EML4: variants seen among roughly 807,000 people sequenced by gnomAD.
The protein encoded by EML4 is echinoderm microtubule-associated protein-like 4.
Under a neutral mutation model 129.0 loss-of-function variants are expected in EML4, and 72 were observed. The observed-to-expected ratio is 0.56, with a 90% CI of 0.46 to 0.68. EML4 has a LOEUF of 0.68. Among genes scored for constraint, EML4 ranks in the 30% least tolerant of loss-of-function variants. The pLI is 0.00. For synonymous variants in EML4, 532 were observed against 405.0 expected (o/e 1.31, Z -3.77); for missense variants, 1,363 against 1,190.6 (o/e 1.14, Z -2.13).
chr2:42,242,895 A>C (rs559503438), intron 1 of EML4, among the ~76,000 whole-genome samples: 1 of 151,662 alleles, frequency 6.6e-6, no homozygotes, highest in Admixed American at 6.6e-5. Context: ...CTCCCATTTC[A>C]CTTTTCTGAG....
chr2:42,225,440 G>T (rs937824347), intron 1 of EML4, among the ~76,000 whole-genome samples: 3 of 152,152 alleles, frequency 2.0e-5, no homozygotes, highest in East Asian at 1.9e-4. Flanking sequence ...CTTCTTTAGA[G>T]AAATGCCTAT....
At chr2:42,287,273 A>G (rs1667359681) in intron 10 of EML4, among the ~76,000 whole-genome samples, 2 of 152,186 alleles carry the variant, frequency 1.3e-5, no homozygotes, top group South Asian at 4.1e-4. Context: ...CCAACAAGTC[A>G]GGAATTGGGA....
At chr2:42,234,894 G>A (rs1460275286) in intron 1 of EML4, among the ~76,000 whole-genome samples, 1 of 152,226 alleles carries the variant, frequency 6.6e-6, no homozygotes, top group African/African-American at 2.4e-5. Flanking sequence ...TGTGGCTCAT[G>A]CCTTGTAATC....
chr2:42,247,648 A>G (rs906934617), intron 2 of EML4, among the ~76,000 whole-genome samples: 1 of 152,032 alleles, frequency 6.6e-6, no homozygotes, highest in Non-Finnish European at 1.5e-5. Context: ...GTGTTATATT[A>G]TGCTTGCTTG....
chr2:42,306,819 T>TA lies in EML4; in HGVS notation c.1967+2269dup, dbSNP rs34730722. Among the ~76,000 whole-genome samples the TA allele has an allele frequency of 2.9e-3, 447 of 152,154 alleles. 4 individuals are homozygous for TA. Among genetic ancestry groups the TA allele is most frequent in the Non-Finnish European group, 5.3e-3 (362 of 67,992 alleles). On this transcript the variant is annotated intron_variant, in intron 17 of 22. Transcript: ENST00000318522. Reference sequence around the variant, plus strand: ...TGGCCGCTAAATTCTTTTTATATGTTACTCTTCACAAGAATGTAACATAGT... The same window carrying TA: ...TGGCCGCTAAATTCTTTTTATATGTTAACTCTTCACAAGAATGTAACATAGT...
chr2:42,226,598 T>C (rs1248738245), intron 1 of EML4, among the ~76,000 whole-genome samples: 1 of 151,870 alleles, frequency 6.6e-6, no homozygotes, highest in East Asian at 1.9e-4. Context: ...CGCAGGTTGC[T>C]GTGAGGTGAG....
At position 42,316,001 on chromosome 2, in the gene EML4, T is replaced by C. The variant is rs776008096; in HGVS notation, c.2007T>C (p.Ser669=). ...ATGCAGAAACCAGAGATCTAGTTTCTATCCACACAGACGGGAATGAACAGC... is the reference window on the plus strand; with the variant it reads ...ATGCAGAAACCAGAGATCTAGTTTCCATCCACACAGACGGGAATGAACAGC... ...VLDAETRDLV[S]IHTDGNEQLS... Residue 669 remains serine, a synonymous_variant, in exon 18 of 23, where the codon TCT becomes TCC. Coordinates refer to ENST00000318522, the MANE Select transcript of EML4 (RefSeq NM_019063.5). The C allele has an allele frequency of 6.2e-7, 1 of 1,613,876 alleles. No homozygotes were observed. Among genetic ancestry groups the C allele is most frequent in the South Asian group, 1.1e-5 (1 of 91,044 alleles).
chr2:42,245,090 C>CTTTTTTTTTTTTTTTTTTTTTTTTTTT (rs960416568), intron 1 of EML4, among the ~76,000 whole-genome samples: 1 of 14,514 alleles, frequency 6.9e-5, no homozygotes, highest in East Asian at 2.1e-3. Context: ...TTGAAATTTT[C>CTTTTTTTTTTTTTTTTTTTTTTTTTTT]TTTCTTTTTT....
chr2:42,227,201 C>T (rs943015390), intron 1 of EML4, among the ~76,000 whole-genome samples: 12 of 152,252 alleles, frequency 7.9e-5, no homozygotes, highest in African/African-American at 2.9e-4. Context: ...CCTTGACCTC[C>T]CAGATTCAAG....
intron 1 of EML4, among the ~76,000 whole-genome samples, chr2:42,227,088 A>G (rs1024958309): frequency 2.0e-5 from 3 of 152,102 alleles, no homozygotes; most frequent in African/African-American, 7.2e-5. Flanking sequence ...TTTTATGTGC[A>G]TGTGAAATGA....
intron 1 of EML4, among the ~76,000 whole-genome samples, chr2:42,236,663 A>C (rs1674693173): frequency 6.6e-6 from 1 of 152,184 alleles, no homozygotes; most frequent in South Asian, 2.1e-4. Context: ...ACTTTAGGTT[A>C]GGGTAACACA....
chr2:42,313,241 C>T (rs1031386331), intron 17 of EML4, among the ~76,000 whole-genome samples: 1 of 152,158 alleles, frequency 6.6e-6, no homozygotes, highest in Non-Finnish European at 1.5e-5. Flanking sequence ...CAGGCATGAG[C>T]CACCGCGCCT....
intron 3 of EML4, 29 bp from the exon 4 acceptor site, chr2:42,261,092 A>T (rs768230707): frequency 6.1e-5 from 92 of 1,519,176 alleles, no homozygotes; most frequent in Non-Finnish European, 8.2e-5. Context: ...TTAAATGTGT[A>T]TTGTTCCATG....
At chr2:42,274,483 TAAAAAG>T (rs1490425780) in intron 6 of EML4, among the ~76,000 whole-genome samples, 1 of 152,186 alleles carries the variant, frequency 6.6e-6, no homozygotes, top group Non-Finnish European at 1.5e-5. Flanking sequence ...AAAGCAAGCT[TAAAAAG>T]AAAATCACTG....
At chr2:42,329,665 C>T (rs1287363941) in intron 22 of EML4, 69 bp from the exon 23 acceptor site, 2 of 1,340,764 alleles carry the variant, frequency 1.5e-6, no homozygotes, top group Admixed American at 3.6e-5. Flanking sequence ...TACGTATCAC[C>T]TCCATTTCTG....
At chr2:42,271,409 G>T (rs569757968) in intron 6 of EML4, among the ~76,000 whole-genome samples, 1 of 142,446 alleles carries the variant, frequency 7.0e-6, no homozygotes, top group South Asian at 2.2e-4. Context: ...TCCTCTGTTG[G>T]AGATTTTTTT....
At chr2:42,284,997 G>A (rs1572688966) in intron 9 of EML4, among the ~76,000 whole-genome samples, 2 of 152,168 alleles carry the variant, frequency 1.3e-5, no homozygotes, top group Admixed American at 1.3e-4. Context: ...AACATATAAA[G>A]TAACCAGTGT....
chr2:42,199,232 G>A (rs561615096), intron 1 of EML4, among the ~76,000 whole-genome samples: 1 of 152,312 alleles, frequency 6.6e-6, no homozygotes, highest in African/African-American at 2.4e-5. Context: ...GGGTAATAAA[G>A]CGAGTGGTTA....
intron 6 of EML4, 90 bp downstream of exon 6, chr2:42,264,821 T>C: frequency 1.4e-6 from 2 of 1,392,658 alleles, no homozygotes; most frequent in Non-Finnish European, 2.0e-6. Flanking sequence ...CAGTGCACTT[T>C]ATCAGTTCAT....
Sources: gnomAD v4.1 joint callset for allele counts (sites outside exome capture counted in the v4.1 genomes callset) on GRCh38, gnomAD v4.1.1 for gene constraint, MANE v1.5 for transcripts, NCBI Gene and HGNC (gene_info 2026-07-23, HGNC 2026-07-21) for gene names.